Variants in MRTFB observed in about 807,000 individuals in gnomAD.
The protein encoded by MRTFB is myocardin-related transcription factor B.
In MRTFB, 29 loss-of-function variants were observed where a neutral mutation model predicts 104.2. The ratio of observed to expected loss-of-function variants is 0.28; its 90% CI spans 0.21 to 0.38. The LOEUF (loss-of-function observed/expected upper bound fraction) is 0.38, where lower values mean the gene tolerates loss of function less well. MRTFB is among the 10% of genes least tolerant of loss of function. The probability of loss-of-function intolerance (pLI) is 1.00; values close to 1 mark genes in which losing one functional copy is unlikely to be tolerated. For missense variants in MRTFB, 1,270 were observed against 1,341.6 expected (o/e 0.95, Z 0.83); for synonymous variants, 535 against 519.5 (o/e 1.03, Z -0.41).
At chr16:14,112,130 A>G (rs575668037) in intron 2 of MRTFB, among the ~76,000 whole-genome samples, 2 of 135,802 alleles carry the variant, frequency 1.5e-5, no homozygotes, top group Admixed American at 7.7e-5. Flanking sequence ...TAAAGAAACA[A>G]TGGGGTTTAA....
At chr16:14,055,710 C>T in the MRTFB span, among the ~76,000 whole-genome samples, 3 of 152,114 alleles carry the variant, frequency 2.0e-5, no homozygotes, top group Non-Finnish European at 4.4e-5. Context: ...ATCAACATAT[C>T]AACATGACTT....
chr16:14,003,659 TCCC>T, the MRTFB span, among the ~76,000 whole-genome samples: 197 of 138,710 alleles, frequency 1.4e-3, no homozygotes, highest in African/African-American at 5.0e-3. Flanking sequence ...CCTCCCTCCC[TCCC>T]TCCCTCCCTT....
rs1597163651 is a variant in MRTFB at position 14,178,465 on chromosome 16, C to T, written c.155-31778C>T. 4.6e-5 allele frequency among the ~76,000 whole-genome samples: 7 copies of T among 152,322 alleles called. 1 individual carries two copies. The highest frequency in any genetic ancestry group is 4.6e-4 in the Admixed American group (7 of 15,296). Reference sequence around the variant, plus strand: ...ATACTGGATTTGGTAGTCATCTTGGCTCCTTAACTTCTCAAGCTTTGCTTT... The same window carrying T: ...ATACTGGATTTGGTAGTCATCTTGGTTCCTTAACTTCTCAAGCTTTGCTTT... On this transcript the variant is annotated intron_variant, in intron 3 of 16. Coordinates refer to ENST00000571589, the MANE Select transcript of MRTFB (RefSeq NM_001308142.2).
intron 3 of MRTFB, among the ~76,000 whole-genome samples, chr16:14,171,499 G>GAAAA (rs3086621): frequency 1.3e-4 from 18 of 138,872 alleles, no homozygotes; most frequent in African/African-American, 4.4e-4. Flanking sequence ...ACTCTGTCTC[G>GAAAA]AAAAAAAAAA....
Position 14,261,272 on chromosome 16 carries a change from G to T in MRTFB, c.3128G>T (p.Gly1043Val), listed in dbSNP as rs751695286. 6.2e-7 allele frequency: 1 copy of T among 1,614,042 alleles called. No homozygotes were observed. The change falls in exon 17 of 17, where the codon GGT (glycine) becomes GTT (valine). Residue 1043 changes from glycine (G) to valine (V), a missense_variant. Gly to Val is a moderately radical substitution (Grantham distance 109). Transcript: ENST00000571589. ...METSETQFAA[G>V]TPCLSLDLSD... ...ACTTCCGAGACCCAGTTTGCTGCAG[G>T]TACTCCCTGTCTGTCTCTCGACCTG...
At chr16:14,184,222 A>ATTTT (rs561797213) in intron 3 of MRTFB, among the ~76,000 whole-genome samples, 1 of 134,966 alleles carries the variant, frequency 7.4e-6, no homozygotes, top group Non-Finnish European at 1.6e-5. Flanking sequence ...AAAGTATTTG[A>ATTTT]TTTTTTTTTT....
At chr16:14,252,786 T>G (rs773810620) in intron 15 of MRTFB, among the ~76,000 whole-genome samples, 1 of 152,210 alleles carries the variant, frequency 6.6e-6, no homozygotes, top group Non-Finnish European at 1.5e-5. Flanking sequence ...ATGTTAGAGA[T>G]AGATGTGATT....
the MRTFB span, among the ~76,000 whole-genome samples, chr16:14,003,753 G>T: frequency 6.6e-6 from 1 of 151,336 alleles, no homozygotes; most frequent in East Asian, 1.9e-4. Flanking sequence ...GGAGACTAGA[G>T]GGGGGAAACT....
At chr16:14,196,182 T>A (rs2040421985) in intron 3 of MRTFB, among the ~76,000 whole-genome samples, 1 of 152,218 alleles carries the variant, frequency 6.6e-6, no homozygotes, top group African/African-American at 2.4e-5. Flanking sequence ...GCTGTCTGTT[T>A]CCATGGCAAC....
intron 3 of MRTFB, among the ~76,000 whole-genome samples, chr16:14,197,044 A>G (rs770981484): frequency 7.4e-6 from 1 of 134,678 alleles, no homozygotes; most frequent in Admixed American, 9.4e-5. Context: ...ATTGCGGCTC[A>G]CTACAACCTC....
intron 2 of MRTFB, among the ~76,000 whole-genome samples, chr16:14,133,936 C>T (rs147616545): frequency 3.0e-4 from 46 of 152,280 alleles, no homozygotes; most frequent in African/African-American, 1.1e-3. Flanking sequence ...GAACAAATAA[C>T]ATTTTCTAAT....
rs930177689 is a variant in MRTFB, at chr16:14,235,918, C to T, written c.831+1635C>T. On this transcript the variant is annotated intron_variant, in intron 9 of 16. Transcript: ENST00000571589. Reference sequence around the variant, plus strand: ...ATGTATAGCCAGGTGCAGTGGCTCACGCCTGTAATCCCTGCACTTTGGGAG... The same window carrying T: ...ATGTATAGCCAGGTGCAGTGGCTCATGCCTGTAATCCCTGCACTTTGGGAG... Among the ~76,000 whole-genome samples the T allele has an allele frequency of 7.9e-5, 12 of 152,200 alleles. No individual in the cohort carries two copies. In the South Asian group the frequency reaches 1.0e-3, roughly 13 times the overall value.
chr16:14,159,929 C>CAAAAAAAAAAAAAAAAAAAA (rs552159164), intron 3 of MRTFB, among the ~76,000 whole-genome samples: 3 of 55,632 alleles, frequency 5.4e-5, no homozygotes, highest in African/African-American at 1.0e-4. Flanking sequence ...GACTCCGTCT[C>CAAAAAAAAAAAAAAAAAAAA]AAAAAAAAAA....
chr16:14,015,425 T>G, the MRTFB span, among the ~76,000 whole-genome samples: 1 of 152,106 alleles, frequency 6.6e-6, no homozygotes, highest in Non-Finnish European at 1.5e-5. Flanking sequence ...GCATCCACCT[T>G]TAGGAGTTAT....
At position 14,260,994 on chromosome 16, in the gene MRTFB, T is replaced by C; in HGVS notation, c.2850T>C (p.Asn950=). The change falls in exon 17 of 17, where the codon AAT becomes AAC. Residue 950 remains asparagine (N), a synonymous_variant. Coordinates refer to ENST00000571589, the MANE Select transcript of MRTFB (RefSeq NM_001308142.2). Reference sequence around the variant, plus strand: ...CCAGCATCACCACAATGCCAGTGAATACAGTGGTGTCCCGGCCACCACCCC... The same window carrying C: ...CCAGCATCACCACAATGCCAGTGAACACAGTGGTGTCCCGGCCACCACCCC... ...VTASITTMPV[N]TVVSRPPPQV... 2 of 1,614,178 alleles carry C rather than the reference T, an allele frequency of 1.2e-6. No homozygotes were observed. Among genetic ancestry groups the C allele is most frequent in the South Asian group, 2.2e-5 (2 of 91,076 alleles).
chr16:14,216,490 A>G (rs989327350), intron 6 of MRTFB, among the ~76,000 whole-genome samples: 5 of 152,316 alleles, frequency 3.3e-5, no homozygotes, highest in South Asian at 2.1e-4. Context: ...GGTTGTACCA[A>G]TTTTATGCAT....
intron 10 of MRTFB, among the ~76,000 whole-genome samples, chr16:14,244,634 A>C (rs936054182): frequency 4.6e-5 from 7 of 152,156 alleles, no homozygotes; most frequent in Non-Finnish European, 1.0e-4. Context: ...TGTGATTTGC[A>C]ATTTCCACAT....
chr16:14,247,898 TA>T, intron 12 of MRTFB: 1 of 180,932 alleles, frequency 5.5e-6, no homozygotes, highest in East Asian at 1.4e-4. Flanking sequence ...ATCTAAGTGA[TA>T]CCACCCATCT....
At chr16:14,017,624 T>C in the MRTFB span, among the ~76,000 whole-genome samples, 4 of 93,852 alleles carry the variant, frequency 4.3e-5, no homozygotes, top group Non-Finnish European at 8.7e-5. Flanking sequence ...TATATATATA[T>C]ATATATATAT....
Sources: allele counts gnomAD v4.1 joint callset (sites outside exome capture counted in the v4.1 genomes callset), GRCh38; gene constraint gnomAD v4.1.1; transcripts MANE v1.5; gene names NCBI Gene and HGNC (gene_info 2026-07-23, HGNC 2026-07-21).